The following SGSH variants were observed in gnomAD, a reference collection of about 807,000 sequenced individuals.
SGSH encodes the protein N-sulfoglucosamine sulfohydrolase, also known as heparan sulfate sulfatase.
SGSH carries 48 observed loss-of-function variants against 51.0 expected under a neutral mutation model. The observed-to-expected ratio is 0.94, with a 90% confidence interval of 0.75 to 1.20. SGSH has a LOEUF of 1.20. Ranked by LOEUF, SGSH falls within the 50% of genes most tolerant of loss-of-function variation. The pLI, the probability that SGSH is intolerant of heterozygous loss-of-function variation, is 0.00. For missense variants in SGSH, 662 were observed against 717.8 expected (o/e 0.92, Z 0.89); for synonymous variants, 321 against 313.4 (o/e 1.02, Z -0.26).
chr17:80,207,465 T>G, downstream of SGSH: 1 of 169,714 alleles, frequency 5.9e-6, no homozygotes, highest in Non-Finnish European at 1.3e-5. Flanking sequence ...ACATGATAAT[T>G]ACTTGAACTG....
Position 80,209,588 on chromosome 17 carries a change from G to A in SGSH, c.*864C>T, listed in dbSNP as rs190998203. On this transcript the variant is annotated 3_prime_UTR_variant, in exon 8 of 8. Coordinates refer to ENST00000326317, the MANE Select transcript of SGSH (RefSeq NM_000199.5). The stretch of plus-strand genomic sequence containing the variant: ...GCCACCCAGCAACGCCAGTGTCACC[G>A]AAGAATTAACCCAAGGCAGAGGATG... 4.0e-5 allele frequency: 37 copies of A among 932,586 alleles called. No individual in the cohort carries two copies. In the East Asian group the frequency reaches 4.7e-4, roughly 12 times the overall value. The allele number at this position is 932,586 out of a possible 1,614,324, so 57.8% of individuals were successfully genotyped here.
rs1368730509 is a variant in SGSH, at chr17:80,210,402, G to A, written c.*50C>T. ...CTGGCCGGCCACACGGACACGTGTGGGATGTGTCTGGGACATGCCTGGGAT... is the reference window on the plus strand; with the variant it reads ...CTGGCCGGCCACACGGACACGTGTGAGATGTGTCTGGGACATGCCTGGGAT... On this transcript the variant is annotated 3_prime_UTR_variant, in exon 8 of 8. Transcript: ENST00000326317. 2 of 1,532,868 alleles carry A rather than the reference G, an allele frequency of 1.3e-6. No individual in the cohort carries two copies. Among genetic ancestry groups the A allele is most frequent in the Non-Finnish European group, 1.7e-6 (2 of 1,142,882 alleles). 95.0% of individuals were successfully genotyped at this position (1,532,868 alleles called of 1,614,324 possible). A position where few individuals can be genotyped will look rare whatever the true frequency, so the allele number is the denominator to read the frequency against.
At chr17:80,207,845 A>G (rs1424342097), downstream of SGSH, among the ~76,000 whole-genome samples, 1 of 151,926 alleles carries the variant, frequency 6.6e-6, no homozygotes, top group East Asian at 1.9e-4. Context: ...AGCACAATCT[A>G]ATCCTTGTCG....
chr17:80,214,941 A>T (rs900372393), intron 3 of SGSH, 92 bp downstream of exon 3: 3 of 1,310,360 alleles, frequency 2.3e-6, no homozygotes, highest in Non-Finnish European at 3.2e-6. Flanking sequence ...ACGGGGGCTG[A>T]GCGTGCCTTG....
downstream of SGSH, chr17:80,205,742 C>G: frequency 7.5e-7 from 1 of 1,340,354 alleles, no homozygotes; most frequent in Non-Finnish European, 9.9e-7. Context: ...GTACAGGGAC[C>G]GACCTGAGAC....
In SGSH at chr17:80,214,591, A is replaced by T. The variant is rs767914010; in HGVS notation, c.506+24T>A. ...GCTCTGGTACCGGCCGCCAGGGGGA[A>T]GGGGCAGGGGCCCCGACTCATACCG... is the stretch of plus-strand genomic sequence containing the variant. On this transcript the variant is annotated intron_variant, in intron 4 of 7. Coordinates refer to ENST00000326317, the MANE Select transcript of SGSH (RefSeq NM_000199.5). 1.7e-5 allele frequency: 28 copies of T among 1,607,382 alleles called. No homozygotes were observed. In the East Asian group the frequency reaches 5.8e-4, roughly 33 times the overall value.
chr17:80,211,400 C>T, intron 7 of SGSH: 1 of 326,420 alleles, frequency 3.1e-6, no homozygotes, highest in African/African-American at 2.1e-5. Flanking sequence ...GAAAGGGAAC[C>T]TGAGTTTCCT....
chr17:80,200,910 A>C, the SGSH span: 2 of 152,234 alleles, frequency 1.3e-5, no homozygotes, highest in Non-Finnish European at 2.9e-5. Context: ...CTCCTCTGAG[A>C]ATCTACTGCT....
chr17:80,220,117 C>G, intron 1 of SGSH, 109 bp downstream of exon 1: 1 of 720,840 alleles, frequency 1.4e-6, no homozygotes, highest in Non-Finnish European at 2.2e-6. Flanking sequence ...GCGGGGGATA[C>G]AAGGGCAGGG....
At chr17:80,206,441 C>T (rs1191822977), downstream of SGSH, among the ~76,000 whole-genome samples, 1 of 152,156 alleles carries the variant, frequency 6.6e-6, no homozygotes, top group Non-Finnish European at 1.5e-5. Context: ...CAGTGAGACA[C>T]CCGTCTCTAC....
At chr17:80,211,032 C>CA (rs1598739522) in intron 7 of SGSH, 21 bp from the exon 8 acceptor site, 1 of 1,597,944 alleles carries the variant, frequency 6.3e-7, no homozygotes, top group East Asian at 2.2e-5. Context: ...CGCGGCATCT[C>CA]AGAGCAGCAG....
chr17:80,210,424 G>A lies in SGSH; in HGVS notation c.*28C>T. 8 of 1,568,520 alleles carry A rather than the reference G, an allele frequency of 5.1e-6. No individual in the cohort carries two copies. Among genetic ancestry groups the A allele is most frequent in the Non-Finnish European group, 6.9e-6 (8 of 1,162,048 alleles). ...GTGGGATGTGTCTGGGACATGCCTGGGATGTGTGCACAGGCCTCCTGGGAT... is the reference window on the plus strand; with the variant it reads ...GTGGGATGTGTCTGGGACATGCCTGAGATGTGTGCACAGGCCTCCTGGGAT... On this transcript the variant is annotated 3_prime_UTR_variant, in exon 8 of 8. Coordinates refer to ENST00000326317, the MANE Select transcript of SGSH (RefSeq NM_000199.5).
At chr17:80,202,624 T>C, downstream of SGSH, 1 of 1,406,812 alleles carries the variant, frequency 7.1e-7, no homozygotes, top group East Asian at 2.6e-5. Flanking sequence ...GAAATGTTCA[T>C]TCTAGAACAT....
chr17:80,206,157 C>A (rs1250241346), downstream of SGSH, among the ~76,000 whole-genome samples: 7 of 152,212 alleles, frequency 4.6e-5, no homozygotes, highest in Non-Finnish European at 8.8e-5. Context: ...GCATAGCACA[C>A]AGCCTCATTT....
Position 80,212,072 on chromosome 17 carries a change from T to C in SGSH, c.948A>G (p.Leu316=). ...GQVSEAYVSL[L]DLTPTILDWF... Reference sequence around the variant, plus strand: ...TGACGGAGACAGACAAAGGCATACCTAGGAGGCTCACGTAGGCCTCGCTGA... The same window carrying C: ...TGACGGAGACAGACAAAGGCATACCCAGGAGGCTCACGTAGGCCTCGCTGA... The change falls in exon 7 of 8, where the codon CTA becomes CTG. Residue 316 remains leucine, a splice_region_variant and synonymous_variant. Coordinates refer to ENST00000326317, the MANE Select transcript of SGSH (RefSeq NM_000199.5). The surrounding 1 kb of genome is among the most constrained non-coding windows in gnomAD (Gnocchi z 5.9). The C allele has an allele frequency of 6.2e-7, 1 of 1,613,018 alleles. No homozygotes were observed. The highest frequency in any genetic ancestry group is 8.5e-7 in the Non-Finnish European group (1 of 1,179,708).
At chr17:80,202,253 C>T, downstream of SGSH, 1 of 1,614,054 alleles carries the variant, frequency 6.2e-7, no homozygotes, top group African/African-American at 1.3e-5. Context: ...TCCGGGTCAA[C>T]CTGGCCATGG....
At position 80,210,390 on chromosome 17, in the gene SGSH, C is replaced by T. The variant is rs1428585390; in HGVS notation, c.*62G>A. The T allele has an allele frequency of 1.1e-5, 17 of 1,502,240 alleles. No individual in the cohort carries two copies. The highest frequency in any genetic ancestry group is 5.1e-5 in the South Asian group (4 of 79,200). The allele number at this position is 1,502,240 out of a possible 1,614,324, so 93.1% of individuals were successfully genotyped here. A position where few individuals can be genotyped will look rare whatever the true frequency, so the allele number is the denominator to read the frequency against. On this transcript the variant is annotated 3_prime_UTR_variant, in exon 8 of 8. Transcript: ENST00000326317. ...CTACTCCCCAGGCTGGCCGGCCACA[C>T]GGACACGTGTGGGATGTGTCTGGGA...
downstream of SGSH, chr17:80,203,684 A>T (rs1419531025): frequency 3.2e-6 from 2 of 618,468 alleles, no homozygotes; most frequent in Non-Finnish European, 5.7e-6. The surrounding 1 kb of genome is among the most constrained non-coding windows in gnomAD (Gnocchi z 4.6). Flanking sequence ...AGCCTGCAGC[A>T]AAGGGATGTG....
intron 1 of SGSH, 78 bp from the exon 2 acceptor site, chr17:80,217,270 A>T (rs1598758616): frequency 6.6e-7 from 1 of 1,518,460 alleles, no homozygotes; most frequent in African/African-American, 1.4e-5. Context: ...GGAGGCTGGG[A>T]CTGTGATGCC....
Sources: gnomAD v4.1 joint callset for allele counts (sites outside exome capture counted in the v4.1 genomes callset) on GRCh38, gnomAD v4.1.1 for gene constraint, Gnocchi (gnomAD v3.1) non-coding constraint, MANE v1.5 for transcripts, NCBI Gene and HGNC (gene_info 2026-07-23, HGNC 2026-07-21) for gene names.